The following SCN2A variants were observed in gnomAD, a reference collection of about 807,000 sequenced individuals.
SCN2A encodes the protein sodium voltage-gated channel alpha subunit 2, also known as sodium channel protein type 2 subunit alpha.
A neutral mutation model predicts 188.7 loss-of-function variants in SCN2A; 20 were observed. That is an observed-to-expected ratio of 0.11 (90% CI 0.07 to 0.15). The LOEUF is 0.15. Among genes scored for constraint, SCN2A ranks in the 10% least tolerant of loss-of-function variants. The pLI is 1.00. For synonymous variants in SCN2A, 804 were observed against 833.1 expected (o/e 0.97, Z 0.60); for missense variants, 1,278 against 2,445.0 (o/e 0.52, Z 10.07).
intron 15 of SCN2A, among the ~76,000 whole-genome samples, 178 bp from the exon 16 acceptor site, chr2:165,344,377 T>A (rs1480571238): frequency 2.0e-5 from 3 of 151,804 alleles, no homozygotes; most frequent in African/African-American, 4.8e-5. Flanking sequence ...AATTACAGAT[T>A]TTTCCCTTCC....
chr2:165,307,958 A>G lies in SCN2A; in HGVS notation c.476+21A>G, dbSNP rs376152629. The G allele has an allele frequency of 3.1e-5, 46 of 1,464,888 alleles. No homozygotes were observed. In the African/African-American group the frequency reaches 5.4e-4, roughly 17 times the overall value. The allele number at this position is 1,464,888 out of a possible 1,614,324, so 90.7% of individuals were successfully genotyped here. On this transcript the variant is annotated intron_variant, in intron 4 of 26. Coordinates refer to ENST00000375437, the MANE Select transcript of SCN2A (RefSeq NM_001040142.2). ...GTGGAGTAAGTATAAATATTTTTCA[A>G]TATTGACCTCCCTTTATGTTTCATA...
intron 17 of SCN2A, among the ~76,000 whole-genome samples, chr2:165,356,125 T>G (rs1001159000): frequency 7.2e-5 from 11 of 152,176 alleles, no homozygotes; most frequent in African/African-American, 2.7e-4. Context: ...TGTTAGTGAT[T>G]AGGTAGAAGT....
At chr2:165,266,442 G>A (rs1694866737) in intron 1 of SCN2A, 1 of 152,080 alleles carries the variant, frequency 6.6e-6, no homozygotes, top group Non-Finnish European at 1.5e-5. Flanking sequence ...GAGCTTCAAA[G>A]AAGATGAAGA....
intron 6 of SCN2A, 123 bp downstream of exon 6, chr2:165,309,566 G>A: frequency 8.6e-7 from 1 of 1,161,452 alleles, no homozygotes; most frequent in Non-Finnish European, 1.3e-6. Flanking sequence ...AGCAAGAATT[G>A]GTACATCATT....
chr2:165,313,175 T>C (rs1697536529), intron 8 of SCN2A, among the ~76,000 whole-genome samples: 1 of 152,084 alleles, frequency 6.6e-6, no homozygotes, highest in African/African-American at 2.4e-5. Flanking sequence ...GGTCCTCCTA[T>C]GACATTTTTA....
intron 22 of SCN2A, among the ~76,000 whole-genome samples, chr2:165,376,815 T>C (rs1449899670): frequency 6.6e-6 from 1 of 151,964 alleles, no homozygotes; most frequent in African/African-American, 2.4e-5. Context: ...ATTAAGACTA[T>C]TGTGTCTGCT....
At position 165,380,742 on chromosome 2, in the gene SCN2A, A is replaced by T; in HGVS notation, c.4446+13A>T. 6.4e-7 allele frequency: 1 copy of T among 1,558,234 alleles called. No homozygotes were observed. On this transcript the variant is annotated intron_variant, in intron 24 of 26. Coordinates refer to ENST00000375437, the MANE Select transcript of SCN2A (RefSeq NM_001040142.2). Reference sequence around the variant, plus strand: ...ACAGAAAAAGAAGATAAGTATATTAAAACTTCATCCTTGCTCTGAAATATG... The same window carrying T: ...ACAGAAAAAGAAGATAAGTATATTATAACTTCATCCTTGCTCTGAAATATG...
chr2:165,293,869 G>A, intron 1 of SCN2A: 9 of 984,994 alleles, frequency 9.1e-6, no homozygotes, highest in Middle Eastern at 5.2e-4. Flanking sequence ...CGCTGTGAAG[G>A]TGTTTCTCTT....
chr2:165,360,180 G>A (rs1009116825), intron 17 of SCN2A, among the ~76,000 whole-genome samples: 2 of 151,592 alleles, frequency 1.3e-5, no homozygotes, highest in African/African-American at 4.8e-5. Context: ...ATGTATCTTA[G>A]CTTCATAATG....
chr2:165,331,587 T>C lies in SCN2A; in HGVS notation c.2388+19T>C. ...AAACCTGGTAAGCCTCACTGAGAGT[T>C]TCTCTTCCTCTTGAAAGAGTTTATA... On this transcript the variant is annotated intron_variant, in intron 14 of 26. Transcript: ENST00000375437. 6.4e-7 allele frequency: 1 copy of C among 1,569,290 alleles called. No individual in the cohort carries two copies. The highest frequency in any genetic ancestry group is 8.8e-7 in the Non-Finnish European group (1 of 1,139,552).
At chr2:165,355,402 G>GA (rs1328581224) in intron 17 of SCN2A, among the ~76,000 whole-genome samples, 1 of 152,158 alleles carries the variant, frequency 6.6e-6, no homozygotes, top group African/African-American at 2.4e-5. Context: ...ATGAGCAACA[G>GA]AATATATTTT....
intron 3 of SCN2A, among the ~76,000 whole-genome samples, chr2:165,297,464 T>G (rs930194408): frequency 6.6e-6 from 1 of 152,368 alleles, no homozygotes; most frequent in East Asian, 1.9e-4. Context: ...CAATTTACAA[T>G]GTTAGGTAAG....
At chr2:165,365,791 A>T (rs1700696584) in intron 18 of SCN2A, among the ~76,000 whole-genome samples, 1 of 152,154 alleles carries the variant, frequency 6.6e-6, no homozygotes, top group African/African-American at 2.4e-5. Flanking sequence ...CTGAAAAAAG[A>T]TAGATCATAA....
intron 16 of SCN2A, among the ~76,000 whole-genome samples, chr2:165,352,284 G>A (rs1018776401): frequency 6.6e-6 from 1 of 152,092 alleles, no homozygotes. Flanking sequence ...TGGTCTTAAT[G>A]TGATTATCAG....
intron 1 of SCN2A, chr2:165,293,703 C>T (rs1696335650): frequency 5.6e-6 from 2 of 355,712 alleles, no homozygotes; most frequent in African/African-American, 4.4e-5. Context: ...GACTTTCTGA[C>T]ATAGCAAATA....
At chr2:165,341,820 A>T (rs909716042) in intron 14 of SCN2A, among the ~76,000 whole-genome samples, 1 of 152,118 alleles carries the variant, frequency 6.6e-6, no homozygotes, top group Admixed American at 6.5e-5. Context: ...ACAAAAGGAA[A>T]TTTTTTTAAG....
At chr2:165,251,491 T>C (rs1694091676) in intron 1 of SCN2A, among the ~76,000 whole-genome samples, 1 of 152,144 alleles carries the variant, frequency 6.6e-6, no homozygotes, top group South Asian at 2.1e-4. Flanking sequence ...TTAGGTCTCT[T>C]CTGGCCCAGT....
intron 1 of SCN2A, among the ~76,000 whole-genome samples, chr2:165,261,413 T>A (rs1245064935): frequency 6.6e-6 from 1 of 152,222 alleles, no homozygotes; most frequent in African/African-American, 2.4e-5. Flanking sequence ...AAAGCAAGGT[T>A]GTCTTCTCAT....
chr2:165,392,058 T>G lies in SCN2A; in HGVS notation c.*2234T>G, dbSNP rs1418609996. The G allele has an allele frequency of 6.6e-6, 1 of 152,542 alleles. No homozygotes were observed. The highest frequency in any genetic ancestry group is 6.6e-5 in the Admixed American group (1 of 15,240). 9.4% of individuals were successfully genotyped at this position (152,542 alleles called of 1,614,324 possible). A position where few individuals can be genotyped will look rare whatever the true frequency, so the allele number is the denominator to read the frequency against. On this transcript the variant is annotated 3_prime_UTR_variant, in exon 27 of 27. Coordinates refer to ENST00000375437, the MANE Select transcript of SCN2A (RefSeq NM_001040142.2). ...CGCTTTTGTTTTTGTATTTAATTGT[T>G]GTCTTTGTTTCTATCTTTGAAATGC...
Sources: gnomAD v4.1 joint callset for allele counts (sites outside exome capture counted in the v4.1 genomes callset) on GRCh38, gnomAD v4.1.1 for gene constraint, MANE v1.5 for transcripts, NCBI Gene and HGNC (gene_info 2026-07-23, HGNC 2026-07-21) for gene names.